Variants in NRXN1 observed in about 807,000 individuals in gnomAD.
NRXN1 encodes the protein neurexin 1.
NRXN1 carries 39 observed loss-of-function variants against 150.9 expected under a neutral mutation model. That is an observed-to-expected ratio of 0.26 (90% CI 0.20 to 0.34). NRXN1 has a LOEUF of 0.34. Ranked by LOEUF, NRXN1 falls within the 10% of genes least tolerant of loss-of-function variation. The probability of loss-of-function intolerance (pLI) is 1.00; values close to 1 mark genes in which losing one functional copy is unlikely to be tolerated. For synonymous variants in NRXN1, 924 were observed against 757.0 expected, an observed-to-expected ratio of 1.22 and a Z score of -3.62; for missense variants, 1,815 against 1,949.9, an observed-to-expected ratio of 0.93 and a Z score of 1.30.
intron 5 of NRXN1, among the ~76,000 whole-genome samples, chr2:50,853,417 A>G (rs1450228743): frequency 1.3e-5 from 2 of 152,116 alleles, no homozygotes; most frequent in African/African-American, 2.4e-5. Context: ...ATTTCTCTGT[A>G]TCCATGTCAC....
chr2:50,827,136 G>A (rs1191830965), intron 5 of NRXN1, among the ~76,000 whole-genome samples: 2 of 152,194 alleles, frequency 1.3e-5, no homozygotes, highest in Non-Finnish European at 2.9e-5. Context: ...GGCGCATAGT[G>A]ACCTTGGTAA....
At position 51,028,565 on chromosome 2, in the gene NRXN1, G is replaced by A; in HGVS notation, c.-292C>T. 1 of 346,128 alleles carries A rather than the reference G, an allele frequency of 2.9e-6. No homozygotes were observed. Among genetic ancestry groups the A allele is most frequent in the Non-Finnish European group, 5.2e-6 (1 of 192,442 alleles). 21.4% of individuals were successfully genotyped at this position (346,128 alleles called of 1,614,324 possible). On this transcript the variant is annotated 5_prime_UTR_variant, in exon 2 of 23. Coordinates refer to ENST00000401669, the MANE Select transcript of NRXN1 (RefSeq NM_001330078.2). ...GATGCACTTTGGAGACAACGTTCTGGAAAAGGCTTCAACAAAAGATCAAGG... is the reference window on the plus strand; with the variant it reads ...GATGCACTTTGGAGACAACGTTCTGAAAAAGGCTTCAACAAAAGATCAAGG...
At chr2:50,240,832 G>A (rs1346651156) in intron 17 of NRXN1, among the ~76,000 whole-genome samples, 2 of 151,660 alleles carry the variant, frequency 1.3e-5, no homozygotes, top group Non-Finnish European at 3.0e-5. Flanking sequence ...CCTAGTATGT[G>A]ATAAATGCCT....
chr2:50,286,727 A>G (rs1558455232), intron 17 of NRXN1, among the ~76,000 whole-genome samples: 1 of 152,160 alleles, frequency 6.6e-6, no homozygotes, highest in Non-Finnish European at 1.5e-5. Flanking sequence ...ATTGTGAGGC[A>G]AAGTGACTGC....
At chr2:50,507,924 A>C (rs1421065608) in intron 12 of NRXN1, among the ~76,000 whole-genome samples, 1 of 152,024 alleles carries the variant, frequency 6.6e-6, no homozygotes, top group African/African-American at 2.4e-5. Flanking sequence ...TCTGCCAGCA[A>C]AACCAATTAA....
At chr2:50,981,185 AGTG>A (rs1696729636) in intron 2 of NRXN1, among the ~76,000 whole-genome samples, 1 of 151,972 alleles carries the variant, frequency 6.6e-6, no homozygotes, top group African/African-American at 2.4e-5. Flanking sequence ...GTCTCGGCGT[AGTG>A]GCTCACATCC....
rs918248082 is a variant in NRXN1 at position 50,346,142 on chromosome 2, C to G, written c.3365-109172G>C. On this transcript the variant is annotated intron_variant, in intron 17 of 22. Transcript: ENST00000401669. This position sits in a 1 kb window ranked among gnomAD's most constrained non-coding sequence, Gnocchi z 5.0. The stretch of plus-strand genomic sequence containing the variant: ...AAGGCGTGGGGGCAAAAGTAATTGG[C>G]CTCCTGTTGAGTGAGTCCCAGGACT... Among the ~76,000 whole-genome samples the G allele has an allele frequency of 6.6e-6, 1 of 152,172 alleles. No individual in the cohort carries two copies. Among genetic ancestry groups the G allele is most frequent in the Admixed American group, 6.5e-5 (1 of 15,290 alleles).
intron 17 of NRXN1, among the ~76,000 whole-genome samples, chr2:50,421,105 A>C (rs1191375196): frequency 6.6e-6 from 1 of 151,730 alleles, no homozygotes; most frequent in Non-Finnish European, 1.5e-5. Context: ...GTGGGAGAGG[A>C]GACATTAATA....
At chr2:50,125,827 C>T (rs1341178157) in intron 18 of NRXN1, among the ~76,000 whole-genome samples, 2 of 151,934 alleles carry the variant, frequency 1.3e-5, no homozygotes, top group East Asian at 1.9e-4. Flanking sequence ...TATGAGAGAA[C>T]CTGCATATTT....
chr2:50,550,240 G>A (rs553721773), intron 9 of NRXN1, among the ~76,000 whole-genome samples: 3 of 151,876 alleles, frequency 2.0e-5, no homozygotes, highest in African/African-American at 7.2e-5. Context: ...TTGTTTTGTT[G>A]TTTTGAGACA....
chr2:50,679,251 G>C (rs1481522104), intron 5 of NRXN1, among the ~76,000 whole-genome samples: 2 of 152,100 alleles, frequency 1.3e-5, no homozygotes, highest in Non-Finnish European at 2.9e-5. Context: ...TTTTGAGCAT[G>C]GGGAGACATC....
chr2:50,738,782 C>G (rs1699076149), intron 5 of NRXN1, among the ~76,000 whole-genome samples: 1 of 152,058 alleles, frequency 6.6e-6, no homozygotes, highest in South Asian at 2.1e-4. Flanking sequence ...GTATCCTGTA[C>G]CTGGGAAGAC....
At chr2:50,745,315 GA>G (rs1176834431) in intron 5 of NRXN1, among the ~76,000 whole-genome samples, 1 of 124,090 alleles carries the variant, frequency 8.1e-6, no homozygotes, top group Non-Finnish European at 1.6e-5. Flanking sequence ...CCCCAGGACT[GA>G]AAAAAAACCA....
At chr2:50,877,304 A>G (rs544674270) in intron 5 of NRXN1, among the ~76,000 whole-genome samples, 14 of 152,054 alleles carry the variant, frequency 9.2e-5, no homozygotes, top group African/African-American at 3.1e-4. Flanking sequence ...AAGATAGAGA[A>G]CATCACAAAC....
intron 22 of NRXN1, among the ~76,000 whole-genome samples, chr2:49,924,245 T>C (rs947683073): frequency 4.6e-5 from 7 of 152,224 alleles, no homozygotes; most frequent in African/African-American, 1.7e-4. Context: ...GATGGAATGC[T>C]TTCATTTTAA....
intron 18 of NRXN1, among the ~76,000 whole-genome samples, chr2:50,176,807 C>T (rs976242208): frequency 7.2e-5 from 11 of 152,092 alleles, no homozygotes; most frequent in African/African-American, 1.9e-4. Flanking sequence ...ACTGCTCTGG[C>T]TTGCTTTAGT....
At chr2:50,265,805 T>C (rs181229028) in intron 17 of NRXN1, among the ~76,000 whole-genome samples, 86 of 152,178 alleles carry the variant, frequency 5.7e-4, no homozygotes, top group Non-Finnish European at 1.1e-3. Flanking sequence ...CACCCAGGGT[T>C]CTTGGAAGCC....
chr2:50,720,825 C>T (rs907331943), intron 5 of NRXN1, among the ~76,000 whole-genome samples: 6 of 152,114 alleles, frequency 3.9e-5, no homozygotes, highest in African/African-American at 1.4e-4. Flanking sequence ...AACTCTCCTT[C>T]CTTGCTGCAT....
At position 50,630,667 on chromosome 2, in the gene NRXN1, A is replaced by C. The variant is rs112887590; in HGVS notation, c.833-7052T>G. ...TTCTTGATTATATTGCTTTTCATAC[A>C]TATAATCCCAAATCACACAGGTTGG... On this transcript the variant is annotated intron_variant, in intron 5 of 22. Coordinates refer to ENST00000401669, the MANE Select transcript of NRXN1 (RefSeq NM_001330078.2). Among the ~76,000 whole-genome samples, 383 of 151,912 alleles carry C rather than the reference A, an allele frequency of 2.5e-3. 3 individuals carry two copies. The highest frequency in any genetic ancestry group is 8.9e-3 in the African/African-American group (369 of 41,548).
Sources: allele counts gnomAD v4.1 joint callset (sites outside exome capture counted in the v4.1 genomes callset), GRCh38; gene constraint gnomAD v4.1.1; non-coding constraint Gnocchi (gnomAD v3.1); transcripts MANE v1.5; gene names NCBI Gene and HGNC (gene_info 2026-07-23, HGNC 2026-07-21).